PALM2AKAP2: variants seen among roughly 807,000 people sequenced by gnomAD.
PALM2AKAP2 encodes PALM2-AKAP2 fusion protein.
Under a neutral mutation model 71.5 loss-of-function variants are expected in PALM2AKAP2, and 37 were observed. That is an observed-to-expected ratio of 0.52 (90% confidence interval 0.40 to 0.68). The LOEUF is 0.68. PALM2AKAP2 is among the 30% of genes least tolerant of loss of function. PALM2AKAP2 has a pLI of 0.00. For synonymous variants in PALM2AKAP2, 468 were observed against 478.8 expected (o/e 0.98, Z 0.29); for missense variants, 1,224 against 1,191.8 (o/e 1.03, Z -0.40).
chr9:109,760,773 G>A (rs527498535), intron 1 of PALM2AKAP2, among the ~76,000 whole-genome samples: 169 of 152,274 alleles, frequency 1.1e-3, no homozygotes, highest in African/African-American at 3.8e-3. Flanking sequence ...CACGAAACAA[G>A]TATCTGTCCT....
rs185782724 is a variant in PALM2AKAP2, at chr9:110,097,522, G to A, written c.157-38605G>A. 6.0e-3 allele frequency among the ~76,000 whole-genome samples: 907 copies of A among 150,812 alleles called. 4 individuals are homozygous for A. Among genetic ancestry groups the A allele is most frequent in the African/African-American group, 0.021 (845 of 40,920 alleles). ...CAGAGACGCTCCTCACATCCCGGAC[G>A]GGGCGACAGGGCAGAGGCGCTCCCC... On this transcript the variant is annotated intron_variant, in intron 1 of 3. Coordinates refer to ENST00000374525, the Ensembl canonical transcript of PALM2AKAP2.
intron 6 of PALM2AKAP2, among the ~76,000 whole-genome samples, chr9:109,933,909 C>G (rs1831165762): frequency 1.3e-5 from 2 of 152,294 alleles, no homozygotes; most frequent in South Asian, 4.2e-4. Flanking sequence ...CTACACAGAG[C>G]ATGTGTGGCT....
intron 2 of PALM2AKAP2, among the ~76,000 whole-genome samples, chr9:110,138,755 C>G (rs1390671064): frequency 6.6e-6 from 1 of 152,186 alleles, no homozygotes; most frequent in Non-Finnish European, 1.5e-5. Context: ...TTGCCACTTT[C>G]CAGAGGATGC....
intron 1 of PALM2AKAP2, among the ~76,000 whole-genome samples, chr9:109,750,050 T>C (rs868525264): frequency 6.6e-6 from 1 of 152,112 alleles, no homozygotes; most frequent in Non-Finnish European, 1.5e-5. Context: ...GTCACCAATA[T>C]TGAAAAATAC....
chr9:109,720,450 C>G (rs551087808), intron 1 of PALM2AKAP2, among the ~76,000 whole-genome samples: 2 of 152,284 alleles, frequency 1.3e-5, no homozygotes, highest in South Asian at 4.1e-4. Context: ...GGTAGATCCT[C>G]AGAGCTGGAA....
intron 1 of PALM2AKAP2, among the ~76,000 whole-genome samples, chr9:109,724,354 C>G (rs1365261461): frequency 6.6e-6 from 1 of 152,148 alleles, no homozygotes; most frequent in Admixed American, 6.5e-5. Context: ...ATTAAAATCC[C>G]AGTGAGGTTT....
chr9:109,953,510 C>T (rs769053578), intron 6 of PALM2AKAP2, among the ~76,000 whole-genome samples: 7 of 152,120 alleles, frequency 4.6e-5, no homozygotes, highest in African/African-American at 1.2e-4. Context: ...CTTCCTCCCA[C>T]ACAGAGAGCT....
At chr9:109,882,353 C>T (rs1829871671) in intron 3 of PALM2AKAP2, among the ~76,000 whole-genome samples, 1 of 152,186 alleles carries the variant, frequency 6.6e-6, no homozygotes, top group South Asian at 2.1e-4. Context: ...TAGGTCCTCA[C>T]ATGTCTTAAA....
At chr9:109,853,963 G>C (rs1564180919) in intron 1 of PALM2AKAP2, among the ~76,000 whole-genome samples, 2 of 152,160 alleles carry the variant, frequency 1.3e-5, no homozygotes, top group Non-Finnish European at 2.9e-5. Context: ...ACCCTATGAG[G>C]CTCTTCTTAG....
chr9:109,914,003 A>C (rs1448791117), intron 3 of PALM2AKAP2, among the ~76,000 whole-genome samples: 2 of 152,002 alleles, frequency 1.3e-5, no homozygotes, highest in African/African-American at 4.8e-5. Flanking sequence ...TGATCCACCC[A>C]CCTCGGCCTC....
chr9:110,165,012 G>T (rs1278206106), intron 3 of PALM2AKAP2, among the ~76,000 whole-genome samples: 1 of 152,074 alleles, frequency 6.6e-6, no homozygotes, highest in Non-Finnish European at 1.5e-5. Flanking sequence ...TCTTGGTTTT[G>T]CCTTCTGCTA....
At chr9:109,806,689 G>A (rs2131420804) in intron 1 of PALM2AKAP2, among the ~76,000 whole-genome samples, 1 of 152,318 alleles carries the variant, frequency 6.6e-6, no homozygotes, top group East Asian at 1.9e-4. Flanking sequence ...AACAGCAAGT[G>A]CTGGCCTGAG....
intron 6 of PALM2AKAP2, among the ~76,000 whole-genome samples, chr9:110,011,795 G>A (rs986405022): frequency 6.6e-6 from 1 of 152,050 alleles, no homozygotes; most frequent in African/African-American, 2.4e-5. Flanking sequence ...CACATTCTCC[G>A]GGAGCTCCCA....
rs114766600 is a variant in PALM2AKAP2, at chr9:109,828,266, C to T, written c.46-39225C>T. Among the ~76,000 whole-genome samples, 411 of 152,198 alleles carry T rather than the reference C, an allele frequency of 2.7e-3. 6 individuals carry two copies. Among genetic ancestry groups the T allele is most frequent in the African/African-American group, 9.5e-3 (393 of 41,518 alleles). ...TGTTTCCATGTGTGTGGCAGCTTAC[C>T]AGGCTATGTCCCAATTAATAAGGAG... On this transcript the variant is annotated intron_variant, in intron 1 of 9. Coordinates refer to the PALM2AKAP2 transcript ENST00000302798.
chr9:109,871,077 T>G (rs1167109762), intron 2 of PALM2AKAP2, among the ~76,000 whole-genome samples: 1 of 152,230 alleles, frequency 6.6e-6, no homozygotes. Context: ...CTTATTCTCA[T>G]GCAATGAGAT....
intron 2 of PALM2AKAP2, among the ~76,000 whole-genome samples, chr9:110,146,994 T>C (rs1836189784): frequency 6.6e-6 from 1 of 152,122 alleles, no homozygotes; most frequent in African/African-American, 2.4e-5. Flanking sequence ...CTCATGCCTG[T>C]AATCCCAGCA....
At chr9:110,155,729 G>C (rs1015782460) in intron 2 of PALM2AKAP2, among the ~76,000 whole-genome samples, 16 of 152,206 alleles carry the variant, frequency 1.1e-4, no homozygotes, top group African/African-American at 3.9e-4. Flanking sequence ...TAAGACCGGG[G>C]CAAACTGAGA....
At chr9:109,844,793 A>G (rs908568383) in intron 1 of PALM2AKAP2, among the ~76,000 whole-genome samples, 1 of 152,196 alleles carries the variant, frequency 6.6e-6, no homozygotes, top group Non-Finnish European at 1.5e-5. Context: ...TGGGACTTAC[A>G]TGGATGTCAG....
chr9:109,802,947 G>A (rs187188511), intron 1 of PALM2AKAP2, among the ~76,000 whole-genome samples: 37 of 146,504 alleles, frequency 2.5e-4, no homozygotes, highest in Admixed American at 4.0e-4. Context: ...GTAGGAATCC[G>A]GGTCTTTTTA....
Sources: allele counts gnomAD v4.1 joint callset (sites outside exome capture counted in the v4.1 genomes callset), GRCh38; gene constraint gnomAD v4.1.1; transcripts MANE v1.5; gene names NCBI Gene and HGNC (gene_info 2026-07-23, HGNC 2026-07-21).